ZNF430: variants seen among roughly 807,000 people sequenced by gnomAD.
ZNF430 encodes zinc finger protein 430.
ZNF430 carries 35 observed loss-of-function variants against 56.7 expected under a neutral mutation model. The ratio of observed to expected loss-of-function variants is 0.62; its 90% CI spans 0.47 to 0.82. The LOEUF (loss-of-function observed/expected upper bound fraction) is 0.82. Ranked by LOEUF, ZNF430 falls within the 40% of genes least tolerant of loss-of-function variation. The pLI, the probability that ZNF430 is intolerant of heterozygous loss-of-function variation, is 0.00. For missense variants in ZNF430, 574 were observed against 661.0 expected, an observed-to-expected ratio of 0.87 and a Z score of 1.44; for synonymous variants, 212 against 224.3, an observed-to-expected ratio of 0.94 and a Z score of 0.49.
Position 21,034,099 on chromosome 19 carries a change from T to G in ZNF430, c.237T>G (p.Val79=), listed in dbSNP as rs1257833931. 6.2e-7 allele frequency: 1 copy of G among 1,613,288 alleles called. No homozygotes were observed. The highest frequency in any genetic ancestry group is 1.7e-5 in the Admixed American group (1 of 59,886). ...TTTTCAATAAAGCAGGTATTGCTGT[T>G]TCTAAGCCAGACCTGATCACCTGTC... ...RNLVFLAGIA[V]SKPDLITCLE... Residue 79 remains valine, a synonymous_variant, in exon 4 of 5, where the codon GTT becomes GTG. Coordinates refer to ENST00000261560, the MANE Select transcript of ZNF430 (RefSeq NM_025189.4).
At chr19:21,024,048 AC>A (rs1333104392) in intron 2 of ZNF430, among the ~76,000 whole-genome samples, 33 of 152,228 alleles carry the variant, frequency 2.2e-4, no homozygotes, top group African/African-American at 8.0e-4. Flanking sequence ...AGTAACTCTA[AC>A]ATAGAAATTA....
At chr19:21,052,922 A>C (rs1387110812) in intron 4 of ZNF430, among the ~76,000 whole-genome samples, 1 of 152,152 alleles carries the variant, frequency 6.6e-6, no homozygotes, top group Non-Finnish European at 1.5e-5. Flanking sequence ...TCAACAAACA[A>C]TTATCTCTTA....
chr19:21,039,444 T>C (rs1968062292), intron 4 of ZNF430, among the ~76,000 whole-genome samples: 2 of 137,542 alleles, frequency 1.5e-5, no homozygotes, highest in Admixed American at 1.5e-4. Flanking sequence ...AGTTTTACTT[T>C]TGCTATTTAT....
At position 21,058,125 on chromosome 19, in the gene ZNF430, A is replaced by T; in HGVS notation, c.*104A>T. The T allele has an allele frequency of 9.2e-7, 1 of 1,088,564 alleles. No individual in the cohort carries two copies. The highest frequency in any genetic ancestry group is 2.7e-5 in the Admixed American group (1 of 36,674). The allele number at this position is 1,088,564 out of a possible 1,614,324, so 67.4% of individuals were successfully genotyped here. On this transcript the variant is annotated 3_prime_UTR_variant, in exon 5 of 5. Coordinates refer to ENST00000261560, the MANE Select transcript of ZNF430 (RefSeq NM_025189.4). Reference sequence around the variant, plus strand: ...GTGTGAAGAATATGGCAAAGCCTTCAACAAGTCCTCAATTCTTACCAGACA... The same window carrying T: ...GTGTGAAGAATATGGCAAAGCCTTCTACAAGTCCTCAATTCTTACCAGACA...
At chr19:21,042,528 C>T (rs1267969079) in intron 4 of ZNF430, among the ~76,000 whole-genome samples, 1 of 152,144 alleles carries the variant, frequency 6.6e-6, no homozygotes, top group Non-Finnish European at 1.5e-5. Context: ...TGGCTCACAC[C>T]TGTAATCCCA....
In ZNF430 at chr19:21,020,720, G is replaced by T; in HGVS notation, c.-81G>T. The T allele has an allele frequency of 6.3e-7, 1 of 1,583,858 alleles. No individual in the cohort carries two copies. Among genetic ancestry groups the T allele is most frequent in the Non-Finnish European group, 8.7e-7 (1 of 1,153,818 alleles). On this transcript the variant is annotated 5_prime_UTR_variant, in exon 1 of 5. It adds an upstream start codon to the 5' untranslated region. Coordinates refer to ENST00000261560, the MANE Select transcript of ZNF430 (RefSeq NM_025189.4). ...GCGCTCTGTGTCCTCTGCTCCTAGAGGTCCAGGCTCTGTGGCCCTGTGACC... is the reference window on the plus strand; with the variant it reads ...GCGCTCTGTGTCCTCTGCTCCTAGATGTCCAGGCTCTGTGGCCCTGTGACC...
intron 4 of ZNF430, chr19:21,035,645 A>G: frequency 4.7e-6 from 1 of 212,038 alleles, no homozygotes; most frequent in Non-Finnish European, 1.0e-5. Context: ...GCTTCTATAA[A>G]CTGGTTTCAG....
intron 2 of ZNF430, among the ~76,000 whole-genome samples, chr19:21,026,742 T>C (rs1967803190): frequency 6.6e-6 from 1 of 152,068 alleles, no homozygotes; most frequent in Admixed American, 6.6e-5. Context: ...CTATAGGGTT[T>C]TGAAGATATA....
intron 2 of ZNF430, among the ~76,000 whole-genome samples, chr19:21,032,362 A>T (rs1490492029): frequency 6.6e-6 from 1 of 152,168 alleles, no homozygotes; most frequent in East Asian, 1.9e-4. Flanking sequence ...TTGCATTCAG[A>T]TTATAATTTA....
At position 21,057,953 on chromosome 19, in the gene ZNF430, G is replaced by A. The variant is rs1343550269; in HGVS notation, c.1645G>A (p.Ala549Thr). Residue 549 changes from alanine (A) to threonine (T), a missense_variant, in exon 5 of 5, where the codon GCT becomes ACT. By Grantham distance (58) the Ala-to-Thr change is moderately conservative. Transcript: ENST00000261560. ...KPYNCEEYGK[A>T]FNQSSNLIEQ... ...CTACAACTGTGAAGAATACGGCAAA[G>A]CTTTCAACCAGTCCTCAAACCTTAT... The A allele has an allele frequency of 6.2e-7, 1 of 1,612,182 alleles. No homozygotes were observed. The highest frequency in any genetic ancestry group is 8.5e-7 in the Non-Finnish European group (1 of 1,179,446).
chr19:21,025,258 T>C (rs1384139304), intron 2 of ZNF430, among the ~76,000 whole-genome samples: 1 of 152,206 alleles, frequency 6.6e-6, no homozygotes, highest in Non-Finnish European at 1.5e-5. Context: ...GCCTCCCAAT[T>C]AGACAATATA....
intron 2 of ZNF430, 96 bp from the exon 3 acceptor site, chr19:21,033,360 C>G: frequency 1.4e-6 from 2 of 1,459,378 alleles, no homozygotes; most frequent in South Asian, 2.6e-5. Context: ...AGAACCAATT[C>G]TCTTTATTCT....
intron 4 of ZNF430, among the ~76,000 whole-genome samples, chr19:21,038,963 G>T (rs1968051778): frequency 6.6e-6 from 1 of 151,748 alleles, no homozygotes; most frequent in African/African-American, 2.4e-5. Context: ...TTGACTGATT[G>T]ATTCGAGACA....
intron 4 of ZNF430, among the ~76,000 whole-genome samples, chr19:21,039,852 G>C (rs1968072068): frequency 6.6e-6 from 1 of 151,908 alleles, no homozygotes; most frequent in Non-Finnish European, 1.5e-5. Flanking sequence ...TTTATTTGTT[G>C]TTGTTTTGAA....
In ZNF430 at chr19:21,056,706, G is replaced by A; in HGVS notation, c.398G>A (p.Arg133Lys). 1.2e-6 allele frequency: 2 copies of A among 1,606,856 alleles called. No homozygotes were observed. Among genetic ancestry groups the A allele is most frequent in the Non-Finnish European group, 1.7e-6 (2 of 1,176,158 alleles). The change falls in exon 5 of 5, where the codon AGA becomes AAA. Residue 133 changes from arginine (R) to lysine (K), a missense_variant. By Grantham distance (26) the Arg-to-Lys change is conservative (BLOSUM62 2). Transcript: ENST00000261560. Reference sequence around the variant, plus strand: ...GATTCTTTCCAAGAAGTCATATTGAGAAGATATGGAAAATGTGGACATGAA... The same window carrying A: ...GATTCTTTCCAAGAAGTCATATTGAAAAGATATGGAAAATGTGGACATGAA... ...IKDSFQEVILRRYGKCGHEDL... is the reference protein window; with the variant it reads ...IKDSFQEVILKRYGKCGHEDL...
chr19:21,042,511 G>T (rs903771994), intron 4 of ZNF430, among the ~76,000 whole-genome samples: 3 of 152,040 alleles, frequency 2.0e-5, no homozygotes, highest in African/African-American at 7.2e-5. Context: ...TTCTTGGCCG[G>T]GCACGGTGGC....
chr19:21,045,787 C>G (rs997765881), intron 4 of ZNF430, among the ~76,000 whole-genome samples: 3 of 151,948 alleles, frequency 2.0e-5, no homozygotes, highest in African/African-American at 7.2e-5. Flanking sequence ...TTATGTAATG[C>G]CCTTCTTTTT....
chr19:21,028,539 T>G (rs572900646), intron 2 of ZNF430, among the ~76,000 whole-genome samples: 2 of 152,188 alleles, frequency 1.3e-5, no homozygotes, highest in African/African-American at 4.8e-5. Context: ...CCAGGGTCAC[T>G]AAGAACCCTC....
intron 4 of ZNF430, among the ~76,000 whole-genome samples, chr19:21,055,095 T>C (rs193230688): frequency 6.6e-6 from 1 of 152,148 alleles, no homozygotes; most frequent in East Asian, 1.9e-4. Context: ...TTTTCTGTAG[T>C]TCTCTATGTT....
Sources: allele counts gnomAD v4.1 joint callset (sites outside exome capture counted in the v4.1 genomes callset), GRCh38; gene constraint gnomAD v4.1.1; transcripts MANE v1.5; gene names NCBI Gene and HGNC (gene_info 2026-07-23, HGNC 2026-07-21).